The following NEGR1 variants were observed in gnomAD, a reference collection of about 807,000 sequenced individuals.
NEGR1 encodes IgLON family member 4.
NEGR1 carries 10 observed loss-of-function variants against 40.9 expected under a neutral mutation model. The ratio of observed to expected loss-of-function variants is 0.24; its 90% CI spans 0.15 to 0.42. The LOEUF is 0.42. Among genes scored for constraint, NEGR1 ranks in the 10% least tolerant of loss-of-function variants. The pLI is 1.00. For missense variants in NEGR1, 352 were observed against 438.9 expected, an observed-to-expected ratio of 0.80 and a Z score of 1.77; for synonymous variants, 185 against 166.8, an observed-to-expected ratio of 1.11 and a Z score of -0.84.
chr1:72,218,078 C>G (rs1161284353), intron 1 of NEGR1, among the ~76,000 whole-genome samples: 1 of 151,544 alleles, frequency 6.6e-6, no homozygotes, highest in Non-Finnish European at 1.5e-5. Flanking sequence ...AGTAATATTA[C>G]TGCTGCCAAT....
At chr1:72,141,728 T>C (rs950397497) in intron 1 of NEGR1, among the ~76,000 whole-genome samples, 16 of 151,960 alleles carry the variant, frequency 1.1e-4, no homozygotes, top group Non-Finnish European at 2.2e-4. Flanking sequence ...AGGACCTCAA[T>C]AAACAGGTTC....
chr1:71,871,949 C>T, intron 2 of NEGR1, among the ~76,000 whole-genome samples: 1 of 152,116 alleles, frequency 6.6e-6, no homozygotes, highest in East Asian at 1.9e-4. Context: ...CACAGAGCTC[C>T]TCTTAATATT....
intron 4 of NEGR1, among the ~76,000 whole-genome samples, chr1:71,683,122 T>C (rs1652896064): frequency 6.6e-6 from 1 of 152,182 alleles, no homozygotes; most frequent in African/African-American, 2.4e-5. Flanking sequence ...TTATAGGTTT[T>C]CCGAGGAGAA....
chr1:71,523,021 A>G (rs929942212), intron 6 of NEGR1, among the ~76,000 whole-genome samples: 1 of 151,960 alleles, frequency 6.6e-6, no homozygotes, highest in African/African-American at 2.4e-5. Flanking sequence ...AAAGTGTGAT[A>G]TGAAAGATGT....
intron 3 of NEGR1, among the ~76,000 whole-genome samples, chr1:71,749,628 T>G (rs1216079830): frequency 1.3e-5 from 2 of 152,180 alleles, no homozygotes; most frequent in African/African-American, 4.8e-5. Flanking sequence ...ACTCCCCATC[T>G]CGCAGAAGCT....
At chr1:72,130,717 C>G (rs1315647039) in intron 1 of NEGR1, among the ~76,000 whole-genome samples, 5 of 152,168 alleles carry the variant, frequency 3.3e-5, no homozygotes, top group Non-Finnish European at 7.4e-5. Flanking sequence ...CCTGCTTATT[C>G]TAGCCATTCT....
At chr1:71,900,917 A>C (rs567154152) in intron 2 of NEGR1, among the ~76,000 whole-genome samples, 36 of 152,336 alleles carry the variant, frequency 2.4e-4, no homozygotes, top group African/African-American at 8.7e-4. Context: ...AAACAGTAAT[A>C]GAAAATACAT....
At chr1:71,563,509 A>G (rs1648525246) in intron 6 of NEGR1, among the ~76,000 whole-genome samples, 1 of 151,978 alleles carries the variant, frequency 6.6e-6, no homozygotes, top group Non-Finnish European at 1.5e-5. Context: ...ACAGAGGGAG[A>G]GTAAATTATC....
chr1:72,248,581 A>ATTATTATTATTG (rs1300792559), intron 1 of NEGR1, among the ~76,000 whole-genome samples: 1 of 115,412 alleles, frequency 8.7e-6, no homozygotes, highest in African/African-American at 3.1e-5. Flanking sequence ...TTTATTTATT[A>ATTATTATTATTG]TTATTATTAT....
At chr1:71,650,061 T>C (rs1477745162) in intron 4 of NEGR1, among the ~76,000 whole-genome samples, 7 of 152,154 alleles carry the variant, frequency 4.6e-5, no homozygotes, top group African/African-American at 1.7e-4. Flanking sequence ...AAGGAGTTGG[T>C]AATAATAGAG....
At chr1:71,683,658 T>C (rs7537964) in intron 4 of NEGR1, among the ~76,000 whole-genome samples, 149,541 of 152,074 alleles carry the variant, frequency 0.98, 73,564 homozygotes, top group Middle Eastern at 1. Context: ...AATAAAAGAC[T>C]ATTAAAATTA....
intron 1 of NEGR1, among the ~76,000 whole-genome samples, chr1:72,152,810 G>T (rs1651174638): frequency 6.6e-6 from 1 of 152,010 alleles, no homozygotes; most frequent in East Asian, 1.9e-4. Context: ...CATAAAAAAA[G>T]AATGAAATTA....
intron 1 of NEGR1, among the ~76,000 whole-genome samples, chr1:72,205,328 T>A (rs1252683354): frequency 6.6e-6 from 1 of 151,628 alleles, no homozygotes; most frequent in Non-Finnish European, 1.5e-5. Flanking sequence ...AAAACCAAAT[T>A]GGGTTGACAC....
chr1:72,232,371 A>G (rs1356631254), intron 1 of NEGR1, among the ~76,000 whole-genome samples: 1 of 151,392 alleles, frequency 6.6e-6, no homozygotes, highest in African/African-American at 2.4e-5. Flanking sequence ...AAAAAGCAGC[A>G]GCAGCTTTGA....
intron 2 of NEGR1, among the ~76,000 whole-genome samples, chr1:71,870,178 C>A (rs979091099): frequency 8.5e-5 from 13 of 152,086 alleles, no homozygotes; most frequent in Non-Finnish European, 1.6e-4. Flanking sequence ...CCATGCCCAG[C>A]CTGGATAGCT....
At chr1:72,202,317 G>T (rs1653246818) in intron 1 of NEGR1, among the ~76,000 whole-genome samples, 1 of 151,618 alleles carries the variant, frequency 6.6e-6, no homozygotes, top group African/African-American at 2.4e-5. Context: ...TTAAAATTAG[G>T]CCAGTTAATA....
chr1:71,773,030 G>GT (rs530966982), intron 3 of NEGR1, among the ~76,000 whole-genome samples: 71 of 151,274 alleles, frequency 4.7e-4, no homozygotes, highest in Middle Eastern at 3.4e-3. Flanking sequence ...CAGGAAAGGT[G>GT]TTTTTTTTTG....
intron 6 of NEGR1, among the ~76,000 whole-genome samples, chr1:71,418,732 C>A (rs2101275032): frequency 6.6e-6 from 1 of 152,208 alleles, no homozygotes; most frequent in African/African-American, 2.4e-5. Flanking sequence ...CATTGTAACT[C>A]ACATTCTCTC....
At chr1:71,921,720 ATAT>A (rs1645722314) in intron 2 of NEGR1, among the ~76,000 whole-genome samples, 1 of 146,824 alleles carries the variant, frequency 6.8e-6, no homozygotes, top group Non-Finnish European at 1.5e-5. Flanking sequence ...ATATATATAT[ATAT>A]ATATATATAT....
Sources: gnomAD v4.1 joint callset for allele counts (sites outside exome capture counted in the v4.1 genomes callset) on GRCh38, gnomAD v4.1.1 for gene constraint, MANE v1.5 for transcripts, NCBI Gene and HGNC (gene_info 2026-07-23, HGNC 2026-07-21) for gene names.